HIBCH: variants seen among roughly 807,000 people sequenced by gnomAD.
HIBCH encodes 3-hydroxyisobutyryl-CoA hydrolase, mitochondrial.
In HIBCH, 50 loss-of-function variants were observed where a neutral mutation model predicts 58.2. The observed-to-expected ratio is 0.86, with a 90% CI of 0.68 to 1.09. The LOEUF (loss-of-function observed/expected upper bound fraction) is 1.09, where lower values mean the gene tolerates loss of function less well. HIBCH is among the 50% of genes least tolerant of loss of function. The pLI, the probability that HIBCH is intolerant of heterozygous loss-of-function variation, is 0.00. For missense variants in HIBCH, 450 were observed against 449.7 expected (o/e 1.00, Z -0.01); for synonymous variants, 151 against 146.9 (o/e 1.03, Z -0.20).
intron 8 of HIBCH, chr2:190,250,154 A>G (rs1174009155): frequency 3.2e-6 from 1 of 317,064 alleles, no homozygotes; most frequent in African/African-American, 2.2e-5. Context: ...CACTGAGCCA[A>G]ACAGGACTTT....
intron 1 of HIBCH, among the ~76,000 whole-genome samples, chr2:190,196,843 C>T (rs1293731626): frequency 1.3e-5 from 2 of 151,868 alleles, no homozygotes; most frequent in Non-Finnish European, 1.5e-5. Flanking sequence ...TAACATAGAC[C>T]CTATGTGTCT....
At chr2:190,308,631 T>C (rs1372574509) in intron 2 of HIBCH, among the ~76,000 whole-genome samples, 1 of 152,162 alleles carries the variant, frequency 6.6e-6, no homozygotes, top group Admixed American at 6.5e-5. Context: ...AGGTCCCACC[T>C]GCAAAATGGC....
At chr2:190,232,181 C>T (rs1686119299) in intron 11 of HIBCH, among the ~76,000 whole-genome samples, 1 of 152,116 alleles carries the variant, frequency 6.6e-6, no homozygotes, top group Admixed American at 6.5e-5. Flanking sequence ...GGCAACAGAG[C>T]AAGACTCCAT....
chr2:190,261,988 G>A (rs753884870), intron 6 of HIBCH, among the ~76,000 whole-genome samples: 2 of 152,086 alleles, frequency 1.3e-5, no homozygotes, highest in African/African-American at 2.4e-5. Context: ...GGCCTGGGGA[G>A]CAAAGAGGCA....
intron 6 of HIBCH, among the ~76,000 whole-genome samples, chr2:190,264,825 G>C (rs982619365): frequency 6.6e-6 from 1 of 151,994 alleles, no homozygotes; most frequent in East Asian, 1.9e-4. Flanking sequence ...TCAGGTCAAA[G>C]GGTATTAATC....
intron 1 of HIBCH, among the ~76,000 whole-genome samples, chr2:190,196,590 A>T: frequency 7.0e-6 from 1 of 142,880 alleles, no homozygotes; most frequent in East Asian, 2.1e-4. Context: ...GTAATTTTTT[A>T]ATTGAATGGT....
At chr2:190,285,167 G>T (rs1177899386) in intron 6 of HIBCH, among the ~76,000 whole-genome samples, 2 of 152,126 alleles carry the variant, frequency 1.3e-5, no homozygotes, top group African/African-American at 4.8e-5. Context: ...CTGTGTATTA[G>T]TTCCCAGTCA....
intron 6 of HIBCH, among the ~76,000 whole-genome samples, chr2:190,262,653 A>G (rs985586053): frequency 6.6e-6 from 1 of 152,194 alleles, no homozygotes. Flanking sequence ...TTCTCTACAG[A>G]GGGCCCTCTC....
At chr2:190,191,075 C>T (rs1306530326) in intron 1 of HIBCH, among the ~76,000 whole-genome samples, 2 of 152,130 alleles carry the variant, frequency 1.3e-5, no homozygotes, top group African/African-American at 2.4e-5. Flanking sequence ...TATTGGTGTA[C>T]ATTAACATCT....
At chr2:190,199,930 A>G (rs1254702904), downstream of HIBCH, 1 of 1,613,980 alleles carries the variant, frequency 6.2e-7, no homozygotes, top group East Asian at 2.2e-5. Context: ...GCAGCATGAG[A>G]GTGAAGAACC....
At chr2:190,242,732 G>A (rs2105931154) in intron 11 of HIBCH, among the ~76,000 whole-genome samples, 1 of 152,298 alleles carries the variant, frequency 6.6e-6, no homozygotes, top group African/African-American at 2.4e-5. Context: ...AATGGAGACT[G>A]TGATTGTCAT....
intron 6 of HIBCH, among the ~76,000 whole-genome samples, chr2:190,274,684 C>G (rs1283037975): frequency 6.6e-6 from 1 of 152,076 alleles, no homozygotes; most frequent in South Asian, 2.1e-4. Context: ...AGAAGATTAT[C>G]CAGGGAGAAA....
At chr2:190,287,058 G>GTGTGTGTGTGTGTGTGTGTGTGTGTA (rs10662510) in intron 6 of HIBCH, among the ~76,000 whole-genome samples, 4 of 147,790 alleles carry the variant, frequency 2.7e-5, no homozygotes, top group African/African-American at 5.1e-5. Flanking sequence ...GTGTGTGTGT[G>GTGTGTGTGTGTGTGTGTGTGTGTGTA]TATACATATA....
chr2:190,314,264 G>C (rs1688632913), intron 1 of HIBCH, among the ~76,000 whole-genome samples: 1 of 84,952 alleles, frequency 1.2e-5, no homozygotes, highest in Non-Finnish European at 2.3e-5. Flanking sequence ...CTGTGGACCA[G>C]TTACTACAAA....
chr2:190,264,038 A>G (rs1687164570), intron 6 of HIBCH, among the ~76,000 whole-genome samples: 2 of 152,074 alleles, frequency 1.3e-5, no homozygotes, highest in Admixed American at 1.3e-4. Context: ...TCTTGCTTCT[A>G]TTCTTGCCAC....
At chr2:190,238,986 A>C (rs1686369138) in intron 11 of HIBCH, among the ~76,000 whole-genome samples, 1 of 152,084 alleles carries the variant, frequency 6.6e-6, no homozygotes, top group South Asian at 2.1e-4. Flanking sequence ...CCTATTTCTC[A>C]ATTCTGGCTT....
intron 11 of HIBCH, among the ~76,000 whole-genome samples, chr2:190,241,325 T>C (rs1363876369): frequency 1.3e-5 from 2 of 152,230 alleles, no homozygotes; most frequent in African/African-American, 4.8e-5. Flanking sequence ...TTGGTAAATA[T>C]TCCTCCATCC....
At chr2:190,246,477 T>A (rs898231695) in intron 9 of HIBCH, among the ~76,000 whole-genome samples, 1 of 152,228 alleles carries the variant, frequency 6.6e-6, no homozygotes, top group African/African-American at 2.4e-5. Flanking sequence ...CTATTACATT[T>A]GACACATTAT....
At chr2:190,292,671 T>A (rs74961176) in intron 4 of HIBCH, among the ~76,000 whole-genome samples, 1 of 152,212 alleles carries the variant, frequency 6.6e-6, no homozygotes, top group Non-Finnish European at 1.5e-5. Flanking sequence ...AGGTTTCACT[T>A]ATACCTAAAC....
Sources: gnomAD v4.1 joint callset for allele counts (sites outside exome capture counted in the v4.1 genomes callset) on GRCh38, gnomAD v4.1.1 for gene constraint, MANE v1.5 for transcripts, NCBI Gene and HGNC (gene_info 2026-07-23, HGNC 2026-07-21) for gene names.